The following PRKCB variants were observed in gnomAD, a reference collection of about 807,000 sequenced individuals.
The protein encoded by PRKCB is protein kinase C beta type.
PRKCB carries 13 observed loss-of-function variants against 81.5 expected under a neutral mutation model. The ratio of observed to expected loss-of-function variants is 0.16; its 90% CI spans 0.10 to 0.25. The LOEUF (loss-of-function observed/expected upper bound fraction) is 0.25, where lower values mean the gene tolerates loss of function less well. PRKCB is among the 10% of genes least tolerant of loss of function. The probability of loss-of-function intolerance (pLI) is 1.00; values close to 1 mark genes in which losing one functional copy is unlikely to be tolerated. For missense variants in PRKCB, 509 were observed against 875.7 expected (o/e 0.58, Z 5.29); for synonymous variants, 335 against 321.4 (o/e 1.04, Z -0.45).
chr16:24,081,363 C>A (rs892825916), intron 5 of PRKCB, among the ~76,000 whole-genome samples: 4 of 151,760 alleles, frequency 2.6e-5, no homozygotes, highest in African/African-American at 9.7e-5. Context: ...GGACAAAACT[C>A]AATATTCATT....
intron 3 of PRKCB, among the ~76,000 whole-genome samples, chr16:24,000,918 A>T (rs563603299): frequency 5.0e-4 from 76 of 152,216 alleles, no homozygotes; most frequent in Non-Finnish European, 9.6e-4. Flanking sequence ...TGACCTTGGG[A>T]AAATAACTTT....
chr16:24,065,500 T>G (rs1966022504), intron 5 of PRKCB, among the ~76,000 whole-genome samples: 1 of 152,210 alleles, frequency 6.6e-6, no homozygotes. Context: ...TACCCCATCC[T>G]ACCATACACA....
At chr16:23,878,082 C>T (rs964523936) in intron 2 of PRKCB, among the ~76,000 whole-genome samples, 4 of 152,182 alleles carry the variant, frequency 2.6e-5, no homozygotes, top group Non-Finnish European at 4.4e-5. Context: ...GATCCACCCA[C>T]CTGGGCCTCC....
chr16:24,127,184 T>A (rs1966846013), intron 9 of PRKCB, among the ~76,000 whole-genome samples: 1 of 151,496 alleles, frequency 6.6e-6, no homozygotes, highest in Admixed American at 6.6e-5. Context: ...TTTTCCACTT[T>A]TAGTAGAGAC....
At chr16:24,045,643 T>C (rs866359855) in intron 5 of PRKCB, among the ~76,000 whole-genome samples, 33 of 152,322 alleles carry the variant, frequency 2.2e-4, no homozygotes, top group African/African-American at 7.9e-4. Context: ...CTGTGGGCCC[T>C]GGCTGCTCTG....
At chr16:24,094,817 A>AAGGAAGGG (rs1966419243) in intron 7 of PRKCB, among the ~76,000 whole-genome samples, 1 of 124,228 alleles carries the variant, frequency 8.0e-6, no homozygotes, top group Non-Finnish European at 1.6e-5. Context: ...GGGAGGAAGG[A>AAGGAAGGG]AGGAAGGAAG....
intron 8 of PRKCB, among the ~76,000 whole-genome samples, chr16:24,120,375 C>T (rs975728662): frequency 3.9e-5 from 6 of 152,122 alleles, no homozygotes; most frequent in African/African-American, 9.7e-5. Context: ...GAGAAAATGG[C>T]GGATGCTTTG....
At chr16:24,000,293 C>T (rs1965014677) in intron 3 of PRKCB, among the ~76,000 whole-genome samples, 1 of 152,076 alleles carries the variant, frequency 6.6e-6, no homozygotes, top group South Asian at 2.1e-4. Context: ...CATAGATGGC[C>T]TCATCAAAAG....
At chr16:23,989,663 T>G (rs1429004633) in intron 3 of PRKCB, among the ~76,000 whole-genome samples, 3 of 152,344 alleles carry the variant, frequency 2.0e-5, no homozygotes, top group African/African-American at 7.2e-5. Context: ...GAGGACAATA[T>G]TAAGTGAATG....
intron 2 of PRKCB, among the ~76,000 whole-genome samples, chr16:23,959,464 C>T (rs1456630254): frequency 2.0e-5 from 3 of 152,152 alleles, no homozygotes; most frequent in East Asian, 3.9e-4. Flanking sequence ...GGTGAATGTA[C>T]GGTTGCTGCT....
chr16:23,915,770 T>C (rs1029656397), intron 2 of PRKCB, among the ~76,000 whole-genome samples: 5 of 149,600 alleles, frequency 3.3e-5, no homozygotes, highest in African/African-American at 1.2e-4. Flanking sequence ...AATTCTTAAA[T>C]GCTTGCTTAT....
chr16:24,022,644 G>A (rs974265948), intron 3 of PRKCB, among the ~76,000 whole-genome samples: 4 of 151,916 alleles, frequency 2.6e-5, no homozygotes, highest in South Asian at 2.1e-4. Flanking sequence ...GGTGCATGCC[G>A]CCACGCCCGG....
At position 24,217,288 on chromosome 16, in the gene PRKCB, T is replaced by C. The variant is rs371842506; in HGVS notation, c.*2472T>C. 1 of 985,318 alleles carries C rather than the reference T, an allele frequency of 1.0e-6. No homozygotes were observed. The highest frequency in any genetic ancestry group is 1.2e-6 in the Non-Finnish European group (1 of 829,924). 61.0% of individuals were successfully genotyped at this position (985,318 alleles called of 1,614,324 possible). A position where few individuals can be genotyped will look rare whatever the true frequency, so the allele number is the denominator to read the frequency against. On this transcript the variant is annotated 3_prime_UTR_variant, in exon 17 of 17. Transcript: ENST00000643927. ...TAGATACTCAAGCCAAAGTCTGTTT[T>C]AGAGAAACTTTCCATGGAAAGTCAG... is the stretch of plus-strand genomic sequence containing the variant.
Position 24,002,371 on chromosome 16 carries a change from GTC to G in PRKCB, c.288+13785_288+13786del, listed in dbSNP as rs573054747. ...CGTGCGTGTGTGTGTGTGAAATGGAGTCTCTTTCTGTTACCCAGGCTGGAGTG... is the reference window on the plus strand; with the variant it reads ...CGTGCGTGTGTGTGTGTGAAATGGAGTCTTTCTGTTACCCAGGCTGGAGTG... On this transcript the variant is annotated intron_variant, in intron 3 of 16. Coordinates refer to ENST00000643927, the MANE Select transcript of PRKCB (RefSeq NM_002738.7). 9.1e-4 allele frequency among the ~76,000 whole-genome samples: 138 copies of G among 152,034 alleles called. 1 individual carries two copies. Among genetic ancestry groups the G allele is most frequent in the African/African-American group, 3.1e-3 (128 of 41,482 alleles).
chr16:24,217,114 GA>G lies in PRKCB; in HGVS notation c.*2301del, dbSNP rs1322913013. On this transcript the variant is annotated 3_prime_UTR_variant, in exon 17 of 17. Coordinates refer to ENST00000643927, the MANE Select transcript of PRKCB (RefSeq NM_002738.7). ...AAAGAAAGGAAAGAAAGAAGAAAAA[GA>G]AAGAAGGAAAGAAAGAAAGAGAAAG... The G allele has an allele frequency of 3.1e-6, 3 of 979,822 alleles. No individual in the cohort carries two copies. In the East Asian group the frequency reaches 3.5e-4, roughly 113 times the overall value. 60.7% of individuals were successfully genotyped at this position (979,822 alleles called of 1,614,324 possible). A position where few individuals can be genotyped will look rare whatever the true frequency, so the allele number is the denominator to read the frequency against.
chr16:24,094,307 A>G lies in PRKCB; in HGVS notation c.821+10A>G. On this transcript the variant is annotated intron_variant, in intron 7 of 16. Transcript: ENST00000643927. ...CCAGTGTTGATGGCTGGTAAGTAAG[A>G]TTTTGCCTTGAAAGCTACCATACAG... 1 of 1,613,616 alleles carries G rather than the reference A, an allele frequency of 6.2e-7. No homozygotes were observed.
chr16:24,170,106 G>A (rs198210), intron 10 of PRKCB, among the ~76,000 whole-genome samples: 56,663 of 151,890 alleles, frequency 0.37, 10,939 homozygotes, highest in South Asian at 0.48. Context: ...TATATAATTT[G>A]TTTATTATGT....
At chr16:24,077,640 T>G (rs982872197) in intron 5 of PRKCB, among the ~76,000 whole-genome samples, 1 of 152,184 alleles carries the variant, frequency 6.6e-6, no homozygotes, top group African/African-American at 2.4e-5. Flanking sequence ...GCACTCTCTT[T>G]TAGTGCTTCT....
rs1235859890 is a variant in PRKCB at position 24,217,745 on chromosome 16, G to T, written c.*2929G>T. The T allele has an allele frequency of 2.0e-6, 2 of 985,282 alleles. No individual in the cohort carries two copies. The highest frequency in any genetic ancestry group is 3.5e-5 in the African/African-American group (2 of 57,196). The allele number at this position is 985,282 out of a possible 1,614,324, so 61.0% of individuals were successfully genotyped here. On this transcript the variant is annotated 3_prime_UTR_variant, in exon 17 of 17. Transcript: ENST00000643927. ...CCCACAGGCAGGGAAAGCGAAATAG[G>T]GTTGATGAGACCAGGGGAGACCTAA...
Sources: gnomAD v4.1 joint callset for allele counts (sites outside exome capture counted in the v4.1 genomes callset) on GRCh38, gnomAD v4.1.1 for gene constraint, MANE v1.5 for transcripts, NCBI Gene and HGNC (gene_info 2026-07-23, HGNC 2026-07-21) for gene names.